KCNMA1: variants seen among roughly 807,000 people sequenced by gnomAD.
The protein encoded by KCNMA1 is Calcium-activated potassium channel subunit alpha-1.
In KCNMA1, 29 loss-of-function variants were observed where a neutral mutation model predicts 140.0. That is an observed-to-expected ratio of 0.21 (90% CI 0.15 to 0.28). The LOEUF is 0.28. Ranked by LOEUF, KCNMA1 falls within the 10% of genes least tolerant of loss-of-function variation. The pLI, the probability that KCNMA1 is intolerant of heterozygous loss-of-function variation, is 1.00. For synonymous variants in KCNMA1, 612 were observed against 611.9 expected (o/e 1.00, Z 0.00); for missense variants, 880 against 1,602.2 (o/e 0.55, Z 7.70).
Position 77,596,113 on chromosome 10 carries a change from T to A in KCNMA1, c.378+41152A>T, listed in dbSNP as rs557158595. 7.9e-5 allele frequency among the ~76,000 whole-genome samples: 12 copies of A among 152,206 alleles called. No individual in the cohort carries two copies. In the South Asian group the frequency reaches 2.1e-3, roughly 26 times the overall value. The stretch of plus-strand genomic sequence containing the variant: ...AAACAAATGGCCCCCAAACATGTAA[T>A]GTTCACCCTTACTCATACAAAATAA... On this transcript the variant is annotated intron_variant, in intron 1 of 27. Coordinates refer to ENST00000286628, the MANE Select transcript of KCNMA1 (RefSeq NM_001161352.2).
chr10:77,384,497 A>G (rs1169171016), intron 2 of KCNMA1, among the ~76,000 whole-genome samples: 2 of 152,224 alleles, frequency 1.3e-5, no homozygotes, highest in East Asian at 3.9e-4. Flanking sequence ...TTATGATGAA[A>G]GCACATCAAA....
intron 2 of KCNMA1, among the ~76,000 whole-genome samples, chr10:77,297,441 C>T (rs2075457450): frequency 6.6e-6 from 1 of 152,138 alleles, no homozygotes; most frequent in African/African-American, 2.4e-5. Flanking sequence ...GGAACATAAG[C>T]TTTTATCATT....
At chr10:77,564,435 T>A (rs1211941801) in intron 1 of KCNMA1, among the ~76,000 whole-genome samples, 2 of 151,848 alleles carry the variant, frequency 1.3e-5, no homozygotes. Context: ...TAGCCAGGTA[T>A]TTTTTTTACA....
Position 77,549,661 on chromosome 10 carries a change from C to T in KCNMA1, c.378+87604G>A, listed in dbSNP as rs540607856. 2.9e-4 allele frequency among the ~76,000 whole-genome samples: 44 copies of T among 152,352 alleles called. 1 individual carries two copies. The South Asian group carries it at 8.7e-3, about 30-fold the overall frequency. On this transcript the variant is annotated intron_variant, in intron 1 of 27. Transcript: ENST00000286628. ...AGGGCAGTTATCTAGCTCTGTCAGC[C>T]TCCATTCATTTCCTTTTTTCTGTCT...
At chr10:77,323,205 C>T (rs1211686902) in intron 2 of KCNMA1, among the ~76,000 whole-genome samples, 1 of 152,192 alleles carries the variant, frequency 6.6e-6, no homozygotes, top group Non-Finnish European at 1.5e-5. Context: ...CAGCAGAATA[C>T]AGGGCTCCCA....
rs537350455 is a variant in KCNMA1, at chr10:76,902,060, T to C, written c.3147+7906A>G. On this transcript the variant is annotated intron_variant, in intron 25 of 27. Transcript: ENST00000286628. The stretch of plus-strand genomic sequence containing the variant: ...GGAGGATGCAAATTTCCTTATGTGA[T>C]GGGAGTGAGGGTTGGGGTAGGGCAC... 6 of 152,280 alleles carry C rather than the reference T, an allele frequency of 3.9e-5. No homozygotes were observed. The East Asian group carries it at 1.2e-3, about 29-fold the overall frequency. The allele number at this position is 152,280 out of a possible 1,614,324, so 9.4% of individuals were successfully genotyped here.
At chr10:77,125,235 G>A (rs2097707188) in intron 5 of KCNMA1, among the ~76,000 whole-genome samples, 1 of 152,162 alleles carries the variant, frequency 6.6e-6, no homozygotes, top group Admixed American at 6.5e-5. Context: ...CTGCTCAGAA[G>A]CCTCCAATGC....
At chr10:77,228,058 G>A (rs548731973) in intron 3 of KCNMA1, among the ~76,000 whole-genome samples, 36 of 149,806 alleles carry the variant, frequency 2.4e-4, no homozygotes, top group Non-Finnish European at 5.9e-5. Context: ...TCCACCTCCA[G>A]GGTTCAAGTG....
At chr10:76,947,981 C>T (rs2064761608) in intron 22 of KCNMA1, among the ~76,000 whole-genome samples, 1 of 108,238 alleles carries the variant, frequency 9.2e-6, no homozygotes, top group Admixed American at 1.0e-4. Context: ...TAGAGAAATC[C>T]ATGTTCCTCA....
intron 2 of KCNMA1, among the ~76,000 whole-genome samples, chr10:77,364,631 C>A (rs1193336706): frequency 7.2e-5 from 11 of 152,138 alleles, no homozygotes; most frequent in Non-Finnish European, 1.5e-4. Flanking sequence ...CAGTAAGTGG[C>A]AAAACCATAA....
chr10:77,556,688 G>A (rs1473709512), intron 1 of KCNMA1, among the ~76,000 whole-genome samples: 5 of 152,010 alleles, frequency 3.3e-5, no homozygotes, highest in African/African-American at 1.2e-4. Flanking sequence ...CAGAACTGAG[G>A]ATCAAGATGA....
At chr10:77,635,448 A>C (rs1197631183) in intron 1 of KCNMA1, 1 of 152,214 alleles carries the variant, frequency 6.6e-6, no homozygotes, top group Non-Finnish European at 1.5e-5. Context: ...GGAACATTTC[A>C]GAGGCACACA....
At chr10:76,878,976 G>T (rs1462850593) in intron 29 of KCNMA1, among the ~76,000 whole-genome samples, 1 of 152,136 alleles carries the variant, frequency 6.6e-6, no homozygotes, top group Non-Finnish European at 1.5e-5. Context: ...CACGTCCACT[G>T]CTATAGAGAC....
At chr10:77,165,402 A>G (rs749999818) in intron 5 of KCNMA1, among the ~76,000 whole-genome samples, 1 of 152,250 alleles carries the variant, frequency 6.6e-6, no homozygotes, top group Non-Finnish European at 1.5e-5. Context: ...AAACATATCT[A>G]TTCAGAATCC....
intron 23 of KCNMA1, among the ~76,000 whole-genome samples, chr10:76,935,997 G>T (rs1054138892): frequency 6.6e-6 from 1 of 152,132 alleles, no homozygotes; most frequent in South Asian, 2.1e-4. Context: ...GTTTTTCCTT[G>T]TTTCTCTTGC....
chr10:76,914,140 A>G, intron 24 of KCNMA1: 1 of 1,548,156 alleles, frequency 6.5e-7, no homozygotes, highest in Non-Finnish European at 8.7e-7. Flanking sequence ...CGGTTTAGCT[A>G]ATTGGATACA....
chr10:77,198,804 G>A (rs575551283), intron 3 of KCNMA1, among the ~76,000 whole-genome samples: 3 of 151,944 alleles, frequency 2.0e-5, no homozygotes, highest in East Asian at 1.9e-4. Flanking sequence ...AAAATGGTAC[G>A]GTCTAGTCCT....
chr10:77,267,957 G>A (rs528855274), intron 2 of KCNMA1, among the ~76,000 whole-genome samples: 3 of 152,284 alleles, frequency 2.0e-5, no homozygotes, highest in East Asian at 1.9e-4. Context: ...AAGAATAGAC[G>A]CTTCTTGACA....
At chr10:77,531,778 G>C (rs906329800) in intron 1 of KCNMA1, among the ~76,000 whole-genome samples, 3 of 152,216 alleles carry the variant, frequency 2.0e-5, no homozygotes, top group African/African-American at 7.2e-5. Context: ...CATCTGGTCT[G>C]ACCCCTCACA....
Sources: gnomAD v4.1 joint callset for allele counts (sites outside exome capture counted in the v4.1 genomes callset) on GRCh38, gnomAD v4.1.1 for gene constraint, MANE v1.5 for transcripts, NCBI Gene and HGNC (gene_info 2026-07-23, HGNC 2026-07-21) for gene names.